Variants in EPHA6 observed in about 807,000 individuals in gnomAD.
EPHA6 encodes the protein EPH receptor A6, also known as ephrin type-A receptor 6.
In EPHA6, 50 loss-of-function variants were observed where a neutral mutation model predicts 112.0. The ratio of observed to expected loss-of-function variants is 0.45; its 90% CI spans 0.36 to 0.56. EPHA6 has a LOEUF of 0.56. EPHA6 is among the 20% of genes least tolerant of loss of function. EPHA6 has a pLI of 0.00. For missense variants in EPHA6, 1,280 were observed against 1,417.4 expected, an observed-to-expected ratio of 0.90 and a Z score of 1.56; for synonymous variants, 529 against 490.7, an observed-to-expected ratio of 1.08 and a Z score of -1.03.
At chr3:97,035,625 C>A (rs933713316) in intron 3 of EPHA6, among the ~76,000 whole-genome samples, 30 of 151,788 alleles carry the variant, frequency 2.0e-4, no homozygotes, top group African/African-American at 7.3e-4. Context: ...GTAGCGTACT[C>A]CATATTTGAA....
rs1282930331 is a variant in EPHA6 at position 97,756,456 on chromosome 3, T to A, written c.*7755T>A. 1.3e-5 allele frequency among the ~76,000 whole-genome samples: 2 copies of A among 151,962 alleles called. No individual in the cohort carries two copies. The highest frequency in any genetic ancestry group is 6.6e-5 in the Admixed American group (1 of 15,262). On this transcript the variant is annotated 3_prime_UTR_variant, in exon 18 of 18. Transcript: ENST00000389672. ...GACAATGCTGAATATCATACATAGT[T>A]AATAAACAATGATTGGAGCTTTTCA...
intron 14 of EPHA6, among the ~76,000 whole-genome samples, chr3:97,706,069 G>A (rs769222497): frequency 5.9e-5 from 9 of 152,150 alleles, no homozygotes; most frequent in Non-Finnish European, 1.0e-4. Context: ...GGAAAAATCT[G>A]CTATAAAACA....
intron 5 of EPHA6, among the ~76,000 whole-genome samples, chr3:97,299,440 A>C (rs887899415): frequency 2.6e-5 from 4 of 152,160 alleles, no homozygotes; most frequent in Non-Finnish European, 5.9e-5. Context: ...ACTGGCCCAA[A>C]AGGAAATAAA....
intron 2 of EPHA6, among the ~76,000 whole-genome samples, chr3:96,895,289 A>G (rs2038206456): frequency 6.6e-6 from 1 of 152,288 alleles, no homozygotes; most frequent in South Asian, 2.1e-4. Context: ...AAAATAAAAA[A>G]TAATAAAGGT....
intron 3 of EPHA6, among the ~76,000 whole-genome samples, chr3:97,105,149 ATTTG>A (rs1438196456): frequency 2.0e-5 from 3 of 148,562 alleles, no homozygotes; most frequent in Middle Eastern, 3.5e-3. Context: ...TCCACTCTGA[ATTTG>A]TTTATTATCT....
At chr3:97,177,721 T>A (rs1272281244) in intron 3 of EPHA6, among the ~76,000 whole-genome samples, 1 of 152,014 alleles carries the variant, frequency 6.6e-6, no homozygotes, top group Non-Finnish European at 1.5e-5. Context: ...TCTCTTCTTA[T>A]AGTTTTTGAC....
At chr3:97,005,653 GT>G (rs1198659494) in intron 3 of EPHA6, among the ~76,000 whole-genome samples, 3 of 152,062 alleles carry the variant, frequency 2.0e-5, no homozygotes, top group Non-Finnish European at 4.4e-5. Flanking sequence ...CCAATACTAT[GT>G]TGAATAGGCG....
At chr3:97,061,045 A>T (rs1347307934) in intron 3 of EPHA6, among the ~76,000 whole-genome samples, 1 of 152,062 alleles carries the variant, frequency 6.6e-6, no homozygotes, top group African/African-American at 2.4e-5. Context: ...GGTGGTTCAG[A>T]AATGTCAGTA....
intron 14 of EPHA6, among the ~76,000 whole-genome samples, chr3:97,647,091 G>A (rs2094070675): frequency 1.3e-5 from 2 of 152,112 alleles, no homozygotes; most frequent in Admixed American, 1.3e-4. Flanking sequence ...CAGGTTTCAG[G>A]CAGTTTCTCC....
rs545305568 is a variant in EPHA6, at chr3:96,865,866, A to G, written c.386-959A>G. On this transcript the variant is annotated intron_variant, in intron 1 of 17. Transcript: ENST00000389672. ...AAAAATAAATATCTGCTGAATCATG[A>G]GCTGTCCACATTTACCTGCCAGAAA... Among the ~76,000 whole-genome samples the G allele has an allele frequency of 8.6e-5, 13 of 152,038 alleles. No homozygotes were observed. In the South Asian group the frequency reaches 2.5e-3, roughly 29 times the overall value.
At chr3:97,568,755 G>A (rs1236088354) in intron 11 of EPHA6, among the ~76,000 whole-genome samples, 1 of 152,186 alleles carries the variant, frequency 6.6e-6, no homozygotes, top group African/African-American at 2.4e-5. Flanking sequence ...TGGTGAGGCA[G>A]ATTTTATTCA....
intron 2 of EPHA6, among the ~76,000 whole-genome samples, chr3:96,892,437 G>C (rs919183224): frequency 6.6e-6 from 1 of 151,974 alleles, no homozygotes; most frequent in Non-Finnish European, 1.5e-5. Context: ...TGGCCAGGCT[G>C]GTCTCAAACT....
At chr3:96,819,025 CA>C (rs1559746721) in intron 1 of EPHA6, among the ~76,000 whole-genome samples, 1 of 151,924 alleles carries the variant, frequency 6.6e-6, no homozygotes, top group Non-Finnish European at 1.5e-5. Context: ...GCAGTTCCAG[CA>C]GTGATCATCT....
chr3:97,116,773 G>C (rs2047900107), intron 3 of EPHA6, among the ~76,000 whole-genome samples: 2 of 151,582 alleles, frequency 1.3e-5, no homozygotes, highest in Non-Finnish European at 3.0e-5. Context: ...CTTGGATATT[G>C]TGAATAGTGC....
At chr3:97,582,787 C>A (rs2093450748) in intron 11 of EPHA6, among the ~76,000 whole-genome samples, 1 of 152,032 alleles carries the variant, frequency 6.6e-6, no homozygotes, top group East Asian at 1.9e-4. Context: ...CCATTTTGAC[C>A]TGAAAAAGCT....
At chr3:97,159,407 C>T (rs998544648) in intron 3 of EPHA6, among the ~76,000 whole-genome samples, 3 of 152,008 alleles carry the variant, frequency 2.0e-5, no homozygotes, top group Non-Finnish European at 4.4e-5. Flanking sequence ...GAATTAAGAC[C>T]GCTAGGCCAG....
intron 5 of EPHA6, among the ~76,000 whole-genome samples, chr3:97,246,062 G>C (rs993717954): frequency 4.6e-5 from 7 of 151,740 alleles, no homozygotes; most frequent in African/African-American, 1.7e-4. Flanking sequence ...TTGCTTTATG[G>C]TTATTCAAAA....
At chr3:97,063,079 G>A (rs1478232468) in intron 3 of EPHA6, among the ~76,000 whole-genome samples, 1 of 152,064 alleles carries the variant, frequency 6.6e-6, no homozygotes, top group African/African-American at 2.4e-5. Flanking sequence ...TGGAGAAAAA[G>A]GAATGCTTAT....
At chr3:96,970,474 G>A (rs537852264) in intron 2 of EPHA6, among the ~76,000 whole-genome samples, 80 of 152,060 alleles carry the variant, frequency 5.3e-4, no homozygotes, top group Non-Finnish European at 1.0e-3. Flanking sequence ...TAGGTTAGGA[G>A]ATTGCTAAAA....
Sources: allele counts gnomAD v4.1 joint callset (sites outside exome capture counted in the v4.1 genomes callset), GRCh38; gene constraint gnomAD v4.1.1; transcripts MANE v1.5; gene names NCBI Gene and HGNC (gene_info 2026-07-23, HGNC 2026-07-21).